The following GKAP1 variants were observed in gnomAD, a reference collection of about 807,000 sequenced individuals.
GKAP1 encodes the protein G kinase anchoring protein 1, also known as G kinase-anchoring protein 1.
In GKAP1, 31 loss-of-function variants were observed where a neutral mutation model predicts 56.7. That is an observed-to-expected ratio of 0.55 (90% CI 0.41 to 0.74). GKAP1 has a LOEUF of 0.74. GKAP1 is among the 30% of genes least tolerant of loss of function. The pLI, the probability that GKAP1 is intolerant of heterozygous loss-of-function variation, is 0.00. For synonymous variants in GKAP1, 151 were observed against 138.6 expected (o/e 1.09, Z -0.63); for missense variants, 364 against 402.3 (o/e 0.90, Z 0.82).
At chr9:83,772,567 T>C (rs1467476334) in intron 7 of GKAP1, among the ~76,000 whole-genome samples, 2 of 152,184 alleles carry the variant, frequency 1.3e-5, no homozygotes, top group Non-Finnish European at 2.9e-5. Flanking sequence ...TTAAAACTTT[T>C]GTGCTTCAAA....
intron 7 of GKAP1, among the ~76,000 whole-genome samples, chr9:83,774,511 T>C (rs897130491): frequency 2.0e-5 from 3 of 151,164 alleles, no homozygotes; most frequent in Non-Finnish European, 2.9e-5. Flanking sequence ...GGAGGATTGC[T>C]TGAGCCTGGG....
Position 83,806,282 on chromosome 9 carries a change from A to T in GKAP1, c.216+20T>A. 1 of 1,476,204 alleles carries T rather than the reference A, an allele frequency of 6.8e-7. No homozygotes were observed. The allele number at this position is 1,476,204 out of a possible 1,614,324, so 91.4% of individuals were successfully genotyped here. A position where few individuals can be genotyped will look rare whatever the true frequency, so the allele number is the denominator to read the frequency against. ...ATTACCATCTACTGGGAAAGCAGAC[A>T]ACACAGATAATTGTGTTACCTCATT... On this transcript the variant is annotated intron_variant, in intron 3 of 12. Coordinates refer to ENST00000376371, the MANE Select transcript of GKAP1 (RefSeq NM_025211.4).
At chr9:83,805,788 G>A (rs1229036039) in intron 3 of GKAP1, among the ~76,000 whole-genome samples, 2 of 152,092 alleles carry the variant, frequency 1.3e-5, no homozygotes, top group Admixed American at 6.5e-5. Flanking sequence ...TTTATGCAAT[G>A]AACACACAAA....
intron 2 of GKAP1, among the ~76,000 whole-genome samples, chr9:83,812,888 A>G (rs1368587727): frequency 2.6e-5 from 4 of 152,182 alleles, no homozygotes; most frequent in African/African-American, 7.2e-5. Context: ...TATGTTGCAT[A>G]CTTTTAAGAG....
At chr9:83,779,904 A>G (rs960967145) in intron 7 of GKAP1, among the ~76,000 whole-genome samples, 9 of 152,006 alleles carry the variant, frequency 5.9e-5, no homozygotes, top group Non-Finnish European at 1.3e-4. Context: ...CAGGAAGTGT[A>G]GGCTACACTA....
intron 8 of GKAP1, among the ~76,000 whole-genome samples, chr9:83,754,653 A>C (rs1057315013): frequency 2.6e-5 from 4 of 152,236 alleles, no homozygotes; most frequent in African/African-American, 9.6e-5. Flanking sequence ...AAAATAAACC[A>C]GTATGGTAAG....
At chr9:83,757,846 A>G (rs1943502586) in intron 8 of GKAP1, among the ~76,000 whole-genome samples, 1 of 147,176 alleles carries the variant, frequency 6.8e-6, no homozygotes, top group Non-Finnish European at 1.5e-5. Flanking sequence ...CAGAAAAGTG[A>G]AAAAAAAAAA....
At position 83,806,338 on chromosome 9, in the gene GKAP1, T is replaced by C. The variant is rs1587741904; in HGVS notation, c.180A>G (p.Arg60=). The change falls in exon 3 of 13, where the codon AGA becomes AGG. Residue 60 remains arginine (R), a synonymous_variant. Transcript: ENST00000376371. The part of the protein sequence containing the change: ...TTNEKKREKR[R]KKKEQQQSEA... ...CACTCTGTTGCTGTTCCTTCTTTTTTCTTCTTTTCTCTCTTTTTTTCTCAT... is the reference window on the plus strand; with the variant it reads ...CACTCTGTTGCTGTTCCTTCTTTTTCCTTCTTTTCTCTCTTTTTTTCTCAT... 1 of 1,553,488 alleles carries C rather than the reference T, an allele frequency of 6.4e-7. No individual in the cohort carries two copies. Among genetic ancestry groups the C allele is most frequent in the Non-Finnish European group, 8.7e-7 (1 of 1,147,856 alleles).
At chr9:83,802,686 G>C (rs1161578281) in intron 3 of GKAP1, among the ~76,000 whole-genome samples, 2 of 151,934 alleles carry the variant, frequency 1.3e-5, no homozygotes, top group African/African-American at 4.8e-5. Flanking sequence ...AATTAGCTGG[G>C]TGTGGTGGTG....
intron 2 of GKAP1, among the ~76,000 whole-genome samples, chr9:83,815,289 T>C (rs968836842): frequency 6.6e-6 from 1 of 151,972 alleles, no homozygotes; most frequent in African/African-American, 2.4e-5. Flanking sequence ...TTTTTTCTCT[T>C]TGTGTATACA....
chr9:83,742,952 T>C (rs1943233123), intron 10 of GKAP1, among the ~76,000 whole-genome samples: 1 of 152,140 alleles, frequency 6.6e-6, no homozygotes, highest in Admixed American at 6.5e-5. Flanking sequence ...AAGCCAGAAG[T>C]TGGAGACCAG....
intron 8 of GKAP1, among the ~76,000 whole-genome samples, chr9:83,762,143 T>C (rs1197927244): frequency 1.3e-5 from 2 of 152,156 alleles, no homozygotes; most frequent in African/African-American, 2.4e-5. Flanking sequence ...TATCACTTTA[T>C]ATTTGGAAAA....
chr9:83,782,660 C>CTT (rs772629569), intron 6 of GKAP1, among the ~76,000 whole-genome samples: 23 of 117,430 alleles, frequency 2.0e-4, no homozygotes, highest in East Asian at 7.6e-4. Context: ...CGCGCCCAGC[C>CTT]TTTTTTTTTT....
chr9:83,770,940 G>A (rs1221363519), intron 7 of GKAP1, among the ~76,000 whole-genome samples: 1 of 151,720 alleles, frequency 6.6e-6, no homozygotes, highest in South Asian at 2.1e-4. Flanking sequence ...TTTTATCACT[G>A]TCTATCCAAT....
At chr9:83,805,316 G>A (rs1160720628) in intron 3 of GKAP1, among the ~76,000 whole-genome samples, 2 of 152,010 alleles carry the variant, frequency 1.3e-5, no homozygotes, top group African/African-American at 2.4e-5. Context: ...AGTACCCAGG[G>A]ACACAAACAC....
intron 12 of GKAP1, 60 bp downstream of exon 12, chr9:83,741,892 C>A (rs370259559): frequency 2.0e-6 from 2 of 997,614 alleles, no homozygotes; most frequent in African/African-American, 1.7e-5. Context: ...TATTCTCACA[C>A]AGTATCTACT....
At chr9:83,788,464 T>A in intron 5 of GKAP1, 137 bp downstream of exon 5, 2 of 549,176 alleles carry the variant, frequency 3.6e-6, no homozygotes, top group Non-Finnish European at 6.4e-6. Flanking sequence ...TAAACACTTC[T>A]TGGTAATATT....
chr9:83,816,749 C>T (rs1320525325), intron 2 of GKAP1, among the ~76,000 whole-genome samples: 1 of 152,238 alleles, frequency 6.6e-6, no homozygotes, highest in East Asian at 1.9e-4. Flanking sequence ...AATGAAAGCA[C>T]TTGCATCTAC....
chr9:83,783,455 G>A (rs1944011507), intron 6 of GKAP1, among the ~76,000 whole-genome samples: 1 of 152,112 alleles, frequency 6.6e-6, no homozygotes, highest in African/African-American at 2.4e-5. Context: ...TGCCACACAT[G>A]AATAGTAGCT....
Sources: allele counts gnomAD v4.1 joint callset (sites outside exome capture counted in the v4.1 genomes callset), GRCh38; gene constraint gnomAD v4.1.1; transcripts MANE v1.5; gene names NCBI Gene and HGNC (gene_info 2026-07-23, HGNC 2026-07-21).